SNX30: variants seen among roughly 807,000 people sequenced by gnomAD.
The protein encoded by SNX30 is sorting nexin family member 30.
SNX30 carries 24 observed loss-of-function variants against 46.4 expected under a neutral mutation model. The observed-to-expected ratio is 0.52, with a 90% CI of 0.37 to 0.73. SNX30 has a LOEUF of 0.73. Ranked by LOEUF, SNX30 falls within the 30% of genes least tolerant of loss-of-function variation. The probability of loss-of-function intolerance (pLI) is 0.00; values close to 1 mark genes in which losing one functional copy is unlikely to be tolerated. For missense variants in SNX30, 533 were observed against 555.7 expected (o/e 0.96, Z 0.41); for synonymous variants, 189 against 211.5 (o/e 0.89, Z 0.92).
At chr9:112,760,635 C>G (rs181634277) in intron 1 of SNX30, among the ~76,000 whole-genome samples, 1 of 152,158 alleles carries the variant, frequency 6.6e-6, no homozygotes, top group African/African-American at 2.4e-5. Flanking sequence ...GTTCAGGATC[C>G]GACTGTGCCA....
chr9:112,884,998 A>G (rs1456154160), downstream of SNX30, among the ~76,000 whole-genome samples: 2 of 152,212 alleles, frequency 1.3e-5, no homozygotes, highest in Admixed American at 1.3e-4. Flanking sequence ...GCCAGGACTC[A>G]TACGAAAACA....
intron 4 of SNX30, among the ~76,000 whole-genome samples, chr9:112,832,459 AGTGTGTGTGTGTGT>A (rs34515014): frequency 5.4e-5 from 6 of 111,244 alleles, no homozygotes; most frequent in South Asian, 3.0e-4. Flanking sequence ...AGAGAGAGAG[AGTGTGTGTGTGTGT>A]GTGTGTGTGT....
chr9:112,856,842 C>A (rs1204352101), intron 7 of SNX30: 2 of 152,502 alleles, frequency 1.3e-5, no homozygotes, highest in East Asian at 3.9e-4. Context: ...CCAGGTGCCT[C>A]CAGCCAGAGC....
rs997179980 is a variant in SNX30, at chr9:112,810,183, C to T, written c.348+5216C>T. 2.6e-5 allele frequency among the ~76,000 whole-genome samples: 4 copies of T among 152,238 alleles called. No homozygotes were observed. In the East Asian group the frequency reaches 7.7e-4, roughly 29 times the overall value. On this transcript the variant is annotated intron_variant, in intron 2 of 8. Transcript: ENST00000374232. ...GTTTGAAGTGGGGATTAGAAATTTT[C>T]ACAACTTTTATGGGCTTTTTGATAA...
intron 7 of SNX30, among the ~76,000 whole-genome samples, chr9:112,858,139 G>T (rs941213467): frequency 1.3e-5 from 2 of 152,164 alleles, no homozygotes; most frequent in Non-Finnish European, 2.9e-5. Context: ...CATTAGCAGT[G>T]CTGTGCCATG....
intron 6 of SNX30, among the ~76,000 whole-genome samples, chr9:112,840,323 G>A (rs1840834591): frequency 6.6e-6 from 1 of 152,186 alleles, no homozygotes; most frequent in Admixed American, 6.5e-5. Context: ...CTGTGAATTT[G>A]CAGCTCATTC....
chr9:112,816,085 A>G (rs537149726), intron 2 of SNX30, among the ~76,000 whole-genome samples: 16 of 152,242 alleles, frequency 1.1e-4, no homozygotes, highest in African/African-American at 3.9e-4. Flanking sequence ...GCTCAAGCTA[A>G]TCCTTCCTTC....
chr9:112,836,406 A>G lies in SNX30; in HGVS notation c.811A>G (p.Ile271Val), dbSNP rs758429504. ...AGCCCAGCGGATCATCAAAGAAGAA[A>G]TAGGTGAGCTGTCTGTTGAGGTCTC... ...RIAQRIIKEEIEYLVELREYG... is the reference protein window; with the variant it reads ...RIAQRIIKEEVEYLVELREYG... The change falls in exon 5 of 9, where the codon ATA becomes GTA. Residue 271 changes from isoleucine (I) to valine (V), a missense_variant. Ile to Val is a conservative substitution (Grantham distance 29, BLOSUM62 3). This residue lies in a region of SNX30 where 261 missense variants were observed against 270.9 expected (regional missense o/e 0.96). Coordinates refer to ENST00000374232, the MANE Select transcript of SNX30 (RefSeq NM_001012994.2). 47 of 1,589,258 alleles carry G rather than the reference A, an allele frequency of 3.0e-5. No individual in the cohort carries two copies. The highest frequency in any genetic ancestry group is 4.1e-5 in the Non-Finnish European group (47 of 1,159,070).
At chr9:112,842,887 TCA>T in intron 6 of SNX30, among the ~76,000 whole-genome samples, 2 of 152,342 alleles carry the variant, frequency 1.3e-5, no homozygotes, top group East Asian at 3.9e-4. Flanking sequence ...AAGGCATGTG[TCA>T]CAAGGATATG....
chr9:112,839,101 A>G (rs1840815039), intron 6 of SNX30, among the ~76,000 whole-genome samples: 1 of 152,248 alleles, frequency 6.6e-6, no homozygotes. Flanking sequence ...GCTGGAAAAT[A>G]GAACAAAAAT....
intron 1 of SNX30, among the ~76,000 whole-genome samples, chr9:112,780,900 G>A (rs1405078213): frequency 2.0e-5 from 3 of 152,192 alleles, no homozygotes; most frequent in Non-Finnish European, 4.4e-5. Context: ...ATGACGCTTA[G>A]CCATGGCTGA....
chr9:112,753,472 C>T (rs1341147927), intron 1 of SNX30, among the ~76,000 whole-genome samples: 1 of 152,188 alleles, frequency 6.6e-6, no homozygotes, highest in Admixed American at 6.5e-5. Context: ...CAACCTCCAC[C>T]TCCCTGGTCA....
intron 5 of SNX30, among the ~76,000 whole-genome samples, chr9:112,880,721 G>A (rs1426896198): frequency 6.6e-6 from 1 of 152,152 alleles, no homozygotes; most frequent in Non-Finnish European, 1.5e-5. Context: ...GAACTTGGTG[G>A]TCCTGTAACA....
intron 3 of SNX30, among the ~76,000 whole-genome samples, chr9:112,821,034 G>T (rs1361990144): frequency 6.6e-6 from 1 of 152,162 alleles, no homozygotes; most frequent in Non-Finnish European, 1.5e-5. Context: ...TTTGGGGGGG[G>T]TGTATTCTTA....
chr9:112,793,804 G>GTTTTT (rs199882365), intron 1 of SNX30, among the ~76,000 whole-genome samples: 1 of 139,144 alleles, frequency 7.2e-6, no homozygotes, highest in Admixed American at 7.2e-5. Context: ...ACTGTTTTTT[G>GTTTTT]TTTTTTTTTT....
At chr9:112,856,815 C>T (rs1461329568) in intron 7 of SNX30, 1 of 152,430 alleles carries the variant, frequency 6.6e-6, no homozygotes, top group Non-Finnish European at 1.5e-5. Flanking sequence ...TGAGGACCCT[C>T]ACCATGGGGC....
intron 1 of SNX30, among the ~76,000 whole-genome samples, chr9:112,759,395 ACCT>A (rs2131348694): frequency 6.6e-6 from 1 of 151,832 alleles, no homozygotes; most frequent in African/African-American, 2.4e-5. Flanking sequence ...CCTGTTGTTA[ACCT>A]CCTGCTTGAA....
chr9:112,806,386 A>G (rs1170467558), intron 2 of SNX30, among the ~76,000 whole-genome samples: 1 of 151,306 alleles, frequency 6.6e-6, no homozygotes, highest in South Asian at 2.1e-4. Flanking sequence ...TTGGTACCCC[A>G]CCCCCACCAA....
At chr9:112,848,891 C>G (rs1840981116) in intron 6 of SNX30, among the ~76,000 whole-genome samples, 1 of 152,164 alleles carries the variant, frequency 6.6e-6, no homozygotes, top group Non-Finnish European at 1.5e-5. Flanking sequence ...CCTCGTAGTC[C>G]CAGGGGTCTT....
Sources: gnomAD v4.1 joint callset for allele counts (sites outside exome capture counted in the v4.1 genomes callset) on GRCh38, gnomAD v4.1.1 for gene constraint, gnomAD v4.1.1 regional missense constraint, MANE v1.5 for transcripts, NCBI Gene and HGNC (gene_info 2026-07-23, HGNC 2026-07-21) for gene names.